Variants in CPS1 observed in about 807,000 individuals in gnomAD.
CPS1 encodes carbamoyl-phosphate synthase 1, also known as carbamoyl-phosphate synthase [ammonia], mitochondrial.
CPS1 carries 109 observed loss-of-function variants against 174.6 expected under a neutral mutation model. That is an observed-to-expected ratio of 0.62 (90% CI 0.53 to 0.73). The LOEUF (loss-of-function observed/expected upper bound fraction) is 0.73, where lower values mean the gene tolerates loss of function less well. Ranked by LOEUF, CPS1 falls within the 30% of genes least tolerant of loss-of-function variation. CPS1 has a pLI of 0.00. For synonymous variants in CPS1, 637 were observed against 632.0 expected (o/e 1.01, Z -0.12); for missense variants, 1,689 against 1,821.9 (o/e 0.93, Z 1.33).
chr2:210,598,941 C>G (rs1438810513), intron 13 of CPS1, among the ~76,000 whole-genome samples: 2 of 151,958 alleles, frequency 1.3e-5, no homozygotes, highest in Non-Finnish European at 2.9e-5. Flanking sequence ...GACACATACT[C>G]TAAAATTGAC....
chr2:210,673,778 A>G (rs542569436), intron 34 of CPS1: 6 of 152,294 alleles, frequency 3.9e-5, no homozygotes, highest in African/African-American at 2.4e-5. Flanking sequence ...TTTATTGAAC[A>G]CTCATACTAA....
chr2:210,486,157 CA>C (rs1694717514), intron 1 of CPS1, among the ~76,000 whole-genome samples: 2 of 119,114 alleles, frequency 1.7e-5, no homozygotes, highest in East Asian at 2.3e-4. Context: ...CACACACACA[CA>C]CCCTGTATAT....
chr2:210,663,546 G>T (rs1359600674), intron 33 of CPS1, among the ~76,000 whole-genome samples: 1 of 152,068 alleles, frequency 6.6e-6, no homozygotes, highest in African/African-American at 2.4e-5. Context: ...TCCCTGCCTT[G>T]CTGCCATGAA....
At chr2:210,521,012 G>A (rs1002140075) in intron 1 of CPS1, among the ~76,000 whole-genome samples, 1 of 152,014 alleles carries the variant, frequency 6.6e-6, no homozygotes, top group Non-Finnish European at 1.5e-5. Flanking sequence ...GGCTTTTCAT[G>A]AAGCTTCAAA....
intron 23 of CPS1, among the ~76,000 whole-genome samples, 177 bp downstream of exon 23, chr2:210,639,392 C>G (rs1700139226): frequency 1.3e-5 from 2 of 151,156 alleles, no homozygotes; most frequent in Non-Finnish European, 3.0e-5. Context: ...GCGGGTGGAT[C>G]ATGAGGTCAG....
chr2:210,556,215 G>T, upstream of CPS1: 1 of 382,878 alleles, frequency 2.6e-6, no homozygotes, highest in Non-Finnish European at 5.2e-6. Flanking sequence ...TTTGTAAAAA[G>T]AACATTGTCT....
intron 21 of CPS1, among the ~76,000 whole-genome samples, chr2:210,620,402 G>A (rs991680930): frequency 5.3e-5 from 8 of 152,178 alleles, no homozygotes; most frequent in African/African-American, 9.6e-5. Flanking sequence ...TCATGATTAC[G>A]TATGAAGTCT....
intron 14 of CPS1, among the ~76,000 whole-genome samples, 192 bp from the exon 15 acceptor site, chr2:210,600,363 G>A (rs970838879): frequency 6.6e-6 from 1 of 151,798 alleles, no homozygotes; most frequent in Admixed American, 6.6e-5. Flanking sequence ...AGTAAAAGTA[G>A]CATCAGTAAC....
intron 34 of CPS1, among the ~76,000 whole-genome samples, chr2:210,671,403 T>C (rs1388494696): frequency 4.6e-5 from 7 of 152,232 alleles, no homozygotes; most frequent in African/African-American, 1.7e-4. Flanking sequence ...TAGTATTAAC[T>C]TGGCTTTCTT....
At chr2:210,515,817 T>C (rs1456211906) in intron 1 of CPS1, among the ~76,000 whole-genome samples, 1 of 151,936 alleles carries the variant, frequency 6.6e-6, no homozygotes, top group East Asian at 1.9e-4. Context: ...TCTTTCTAGC[T>C]TTTTGAGGTG....
intron 1 of CPS1, among the ~76,000 whole-genome samples, chr2:210,561,640 G>A (rs1697104715): frequency 1.3e-5 from 2 of 152,182 alleles, no homozygotes; most frequent in Admixed American, 1.3e-4. Context: ...TACGCTGACT[G>A]CCCTTGATGG....
chr2:210,636,640 T>C (rs1441774221), intron 21 of CPS1, among the ~76,000 whole-genome samples: 1 of 151,966 alleles, frequency 6.6e-6, no homozygotes, highest in Non-Finnish European at 1.5e-5. Context: ...CAGGTGATAA[T>C]GGACATGCTA....
At chr2:210,602,932 CACTTTA>C (rs1348669936) in intron 16 of CPS1, among the ~76,000 whole-genome samples, 13 of 152,052 alleles carry the variant, frequency 8.5e-5, no homozygotes, top group African/African-American at 3.1e-4. Context: ...CTATCAAAAT[CACTTTA>C]ACATATTAGG....
intron 1 of CPS1, among the ~76,000 whole-genome samples, chr2:210,502,727 A>T (rs1449248975): frequency 1.3e-5 from 2 of 152,094 alleles, no homozygotes; most frequent in African/African-American, 4.8e-5. Context: ...CTGACCCTTC[A>T]TAGTCTCGTG....
chr2:210,657,049 A>C (rs1009228390), intron 30 of CPS1, among the ~76,000 whole-genome samples: 1 of 152,082 alleles, frequency 6.6e-6, no homozygotes, highest in African/African-American at 2.4e-5. Context: ...GGGGATTCTA[A>C]TGTTTCAGGG....
At chr2:210,609,563 G>A (rs962182067) in intron 19 of CPS1, among the ~76,000 whole-genome samples, 20 of 152,016 alleles carry the variant, frequency 1.3e-4, no homozygotes, top group African/African-American at 4.6e-4. Context: ...AATGTTGCAT[G>A]GGGTAGATGA....
At chr2:210,542,290 G>A (rs747349413) in intron 1 of CPS1, among the ~76,000 whole-genome samples, 1 of 152,010 alleles carries the variant, frequency 6.6e-6, no homozygotes, top group Non-Finnish European at 1.5e-5. Flanking sequence ...TCATGGTCAC[G>A]GATCTCAAAT....
Position 210,675,729 on chromosome 2 carries a change from T to C in CPS1, c.4163T>C (p.Leu1388Pro). 3 of 1,506,252 alleles carry C rather than the reference T, an allele frequency of 2.0e-6. No homozygotes were observed. The highest frequency in any genetic ancestry group is 2.8e-6 in the Non-Finnish European group (3 of 1,081,552). 93.3% of individuals were successfully genotyped at this position (1,506,252 alleles called of 1,614,324 possible). A position where few individuals can be genotyped will look rare whatever the true frequency, so the allele number is the denominator to read the frequency against. ...AEQLHNEGFK[L>P]FATEATSDWL... ...TTGATTTTTTCATTTTAAATGCAGCTGTTTGCCACGGAAGCCACATCAGAC... is the reference window on the plus strand; with the variant it reads ...TTGATTTTTTCATTTTAAATGCAGCCGTTTGCCACGGAAGCCACATCAGAC... Residue 1388 changes from leucine to proline, a missense_variant and splice_region_variant, in exon 36 of 38, where the codon CTG becomes CCG. Transcript: ENST00000233072.
At chr2:210,585,903 T>C (rs998428060) in intron 6 of CPS1, among the ~76,000 whole-genome samples, 5 of 151,722 alleles carry the variant, frequency 3.3e-5, no homozygotes, top group Non-Finnish European at 5.9e-5. Flanking sequence ...TGAGAGTCTT[T>C]AGAAAGGATG....
Sources: gnomAD v4.1 joint callset for allele counts (sites outside exome capture counted in the v4.1 genomes callset) on GRCh38, gnomAD v4.1.1 for gene constraint, MANE v1.5 for transcripts, NCBI Gene and HGNC (gene_info 2026-07-23, HGNC 2026-07-21) for gene names.